The following HUS1 variants were observed in gnomAD, a reference collection of about 807,000 sequenced individuals.
HUS1 encodes HUS1 checkpoint clamp component.
HUS1 carries 31 observed loss-of-function variants against 32.6 expected under a neutral mutation model. The ratio of observed to expected loss-of-function variants is 0.95; its 90% CI spans 0.72 to 1.28. The LOEUF is 1.28. Among genes scored for constraint, HUS1 ranks in the 50% most tolerant of loss-of-function variants. The pLI, the probability that HUS1 is intolerant of heterozygous loss-of-function variation, is 0.00. For missense variants in HUS1, 340 were observed against 337.7 expected, an observed-to-expected ratio of 1.01 and a Z score of -0.05; for synonymous variants, 123 against 116.6, an observed-to-expected ratio of 1.06 and a Z score of -0.36.
Position 47,978,755 on chromosome 7 carries a change from C to T in HUS1, c.114G>A (p.Lys38=), listed in dbSNP as rs770370140. Residue 38 remains lysine, a synonymous_variant, in exon 2 of 8, where the codon AAG becomes AAA. Transcript: ENST00000258774. ...GCTTGTCACAAAGGATGAAGTTAAG[C>T]TTATCAGGGCTGATGCGGAGGGTGC... ...KTCTLRISPD[K]LNFILCDKLA... The T allele has an allele frequency of 9.3e-6, 15 of 1,614,120 alleles. No homozygotes were observed. The highest frequency in any genetic ancestry group is 1.3e-5 in the Non-Finnish European group (15 of 1,180,052).
At position 47,964,750 on chromosome 7, in the gene HUS1, C is replaced by T. The variant is rs1583710867; in HGVS notation, c.*606G>A. On this transcript the variant is annotated 3_prime_UTR_variant, in exon 8 of 8. Transcript: ENST00000258774. ...AAGAGCTGTGTTGGCTGGGCCAGCT[C>T]TCTAGGCATCAAGAGGGGAGTGGAC... The T allele has an allele frequency of 6.6e-6, 1 of 152,308 alleles. No individual in the cohort carries two copies. The highest frequency in any genetic ancestry group is 2.4e-5 in the African/African-American group (1 of 41,432). The allele number at this position is 152,308 out of a possible 1,614,324, so 9.4% of individuals were successfully genotyped here. A position where few individuals can be genotyped will look rare whatever the true frequency, so the allele number is the denominator to read the frequency against.
chr7:47,979,383 G>T (rs1788777950), intron 1 of HUS1, 85 bp downstream of exon 1: 3 of 1,255,776 alleles, frequency 2.4e-6, no homozygotes, highest in Non-Finnish European at 3.1e-6. Flanking sequence ...GCCCATCCCC[G>T]TTCTGATCCT....
chr7:47,966,158 G>A (rs1209530617), intron 7 of HUS1, among the ~76,000 whole-genome samples: 1 of 152,072 alleles, frequency 6.6e-6, no homozygotes, highest in Admixed American at 6.5e-5. Context: ...TTTAGGAGAG[G>A]TGGTGCAAGG....
rs1451497117 is a variant in HUS1 at position 47,964,604 on chromosome 7, C to T, written c.*752G>A. Reference sequence around the variant, plus strand: ...TTGTTTCTACTCTAAATAGAAGGGTCTTCTTTCCAGAACGACAGATCCGAT... The same window carrying T: ...TTGTTTCTACTCTAAATAGAAGGGTTTTCTTTCCAGAACGACAGATCCGAT... On this transcript the variant is annotated 3_prime_UTR_variant, in exon 8 of 8. Transcript: ENST00000258774. 1 of 152,134 alleles carries T rather than the reference C, an allele frequency of 6.6e-6. No homozygotes were observed. The highest frequency in any genetic ancestry group is 1.9e-4 in the East Asian group (1 of 5,192). The allele number at this position is 152,134 out of a possible 1,614,324, so 9.4% of individuals were successfully genotyped here. A position where few individuals can be genotyped will look rare whatever the true frequency, so the allele number is the denominator to read the frequency against.
chr7:47,975,863 T>A (rs1369946923), intron 4 of HUS1, among the ~76,000 whole-genome samples, 176 bp from the exon 5 acceptor site: 2 of 152,228 alleles, frequency 1.3e-5, no homozygotes, highest in Admixed American at 1.3e-4. Flanking sequence ...CAATTCTATT[T>A]CACTAACTCA....
chr7:47,971,485 A>C (rs765360372), intron 5 of HUS1: 3 of 456,716 alleles, frequency 6.6e-6, no homozygotes, highest in Non-Finnish European at 1.3e-5. Context: ...ACCCACCCCA[A>C]CAACCAATCA....
intron 5 of HUS1, 133 bp from the exon 6 acceptor site, chr7:47,969,451 A>T (rs549587154): frequency 8.1e-6 from 5 of 614,890 alleles, no homozygotes; most frequent in Non-Finnish European, 1.1e-5. Flanking sequence ...GCACACTGAG[A>T]CCCCCGTGCT....
intron 5 of HUS1, among the ~76,000 whole-genome samples, chr7:47,973,946 C>A (rs548262374): frequency 6.6e-6 from 1 of 152,190 alleles, no homozygotes; most frequent in Non-Finnish European, 1.5e-5. Flanking sequence ...ATGAAGCCAG[C>A]CTGACAACTG....
At chr7:47,971,057 T>A (rs1318871563) in intron 5 of HUS1, among the ~76,000 whole-genome samples, 1 of 152,176 alleles carries the variant, frequency 6.6e-6, no homozygotes, top group Non-Finnish European at 1.5e-5. Flanking sequence ...TAACGTGTAG[T>A]AATAAAATTT....
intron 1 of HUS1, among the ~76,000 whole-genome samples, chr7:47,979,135 T>C (rs921184085): frequency 5.9e-5 from 9 of 152,096 alleles, no homozygotes; most frequent in African/African-American, 1.9e-4. Flanking sequence ...ACTGTCAGGG[T>C]GGAGGGACGA....
chr7:47,973,024 G>A (rs1043574210), intron 5 of HUS1, among the ~76,000 whole-genome samples: 5 of 152,118 alleles, frequency 3.3e-5, no homozygotes, highest in Non-Finnish European at 2.9e-5. Context: ...TCTTGATAGT[G>A]AGGGAGTTCT....
intron 5 of HUS1, among the ~76,000 whole-genome samples, chr7:47,972,838 C>T (rs1220975837): frequency 6.6e-6 from 1 of 152,110 alleles, no homozygotes; most frequent in Admixed American, 6.5e-5. Context: ...ATTAGGTGAC[C>T]CTGCAGAGCC....
At chr7:47,970,245 A>G (rs1394930165) in intron 5 of HUS1, among the ~76,000 whole-genome samples, 1 of 149,260 alleles carries the variant, frequency 6.7e-6, no homozygotes, top group Non-Finnish European at 1.5e-5. Flanking sequence ...AAAAAAAAAA[A>G]AAAAAAAAAG....
In HUS1 at chr7:47,965,248, G is replaced by GT; in HGVS notation, c.*107dup. ...TTAGAGAGGGACAAATAAGTACAGTGTGTCGATGTGCGGTGCTGTGAGGGC... is the reference window on the plus strand; with the variant it reads ...TTAGAGAGGGACAAATAAGTACAGTGTTGTCGATGTGCGGTGCTGTGAGGGC... On this transcript the variant is annotated 3_prime_UTR_variant, in exon 8 of 8. Transcript: ENST00000258774. The GT allele has an allele frequency of 2.8e-6, 2 of 721,188 alleles. No individual in the cohort carries two copies. The highest frequency in any genetic ancestry group is 5.0e-5 in the East Asian group (2 of 40,000). 44.7% of individuals were successfully genotyped at this position (721,188 alleles called of 1,614,324 possible). A position where few individuals can be genotyped will look rare whatever the true frequency, so the allele number is the denominator to read the frequency against.
intron 7 of HUS1, among the ~76,000 whole-genome samples, chr7:47,966,044 G>A (rs977635560): frequency 7.9e-5 from 12 of 151,758 alleles, no homozygotes; most frequent in Non-Finnish European, 1.6e-4. Context: ...GCAGATATGA[G>A]TGAGTGACAA....
At chr7:47,966,176 A>G (rs1243762700) in intron 7 of HUS1, among the ~76,000 whole-genome samples, 1 of 152,106 alleles carries the variant, frequency 6.6e-6, no homozygotes, top group East Asian at 1.9e-4. Flanking sequence ...AGGGCACAGG[A>G]GAGGCAGAGA....
At chr7:47,967,137 G>A (rs1050164123) in intron 7 of HUS1, among the ~76,000 whole-genome samples, 1 of 152,190 alleles carries the variant, frequency 6.6e-6, no homozygotes, top group African/African-American at 2.4e-5. Flanking sequence ...GCTACAAAAC[G>A]TGGAACTTCA....
intron 5 of HUS1, 118 bp downstream of exon 5, chr7:47,975,495 T>G: frequency 1.4e-6 from 1 of 700,352 alleles, no homozygotes. Flanking sequence ...CAGGTCCTCA[T>G]AAGTGGGAAC....
intron 3 of HUS1, 25 bp from the exon 4 acceptor site, chr7:47,976,862 A>G: frequency 6.8e-7 from 1 of 1,481,126 alleles, no homozygotes; most frequent in African/African-American, 1.4e-5. Flanking sequence ...ATTTAAAAAT[A>G]TTTTTATGTT....
Sources: gnomAD v4.1 joint callset for allele counts (sites outside exome capture counted in the v4.1 genomes callset) on GRCh38, gnomAD v4.1.1 for gene constraint, MANE v1.5 for transcripts, NCBI Gene and HGNC (gene_info 2026-07-23, HGNC 2026-07-21) for gene names.